Variants in SLC25A28 observed in about 807,000 individuals in gnomAD.
SLC25A28 encodes mitoferrin-2.
In SLC25A28, 10 loss-of-function variants were observed where a neutral mutation model predicts 31.9. The observed-to-expected ratio is 0.31, with a 90% CI of 0.19 to 0.53. The LOEUF (loss-of-function observed/expected upper bound fraction) is 0.53. Ranked by LOEUF, SLC25A28 falls within the 20% of genes least tolerant of loss-of-function variation. The pLI is 0.95. For missense variants in SLC25A28, 256 were observed against 490.3 expected (o/e 0.52, Z 4.51); for synonymous variants, 208 against 203.6 (o/e 1.02, Z -0.19).
chr10:99,657,186 G>C, the SLC25A28 span, among the ~76,000 whole-genome samples: 1 of 152,014 alleles, frequency 6.6e-6, no homozygotes, highest in African/African-American at 2.4e-5. Context: ...TTTAAAAATA[G>C]GAATTATACT....
At chr10:99,612,466 T>C (rs2034548814) in intron 3 of SLC25A28, 77 bp downstream of exon 3, 22 of 1,535,096 alleles carry the variant, frequency 1.4e-5, no homozygotes, top group East Asian at 2.3e-5. Context: ...CCACCAAAAC[T>C]GATGTGCTTT....
intron 1 of SLC25A28, chr10:99,618,600 A>G: frequency 1.0e-6 from 1 of 985,254 alleles, no homozygotes; most frequent in Non-Finnish European, 1.2e-6. Flanking sequence ...TCTCTCATGG[A>G]TTTTACAGTT....
the SLC25A28 span, among the ~76,000 whole-genome samples, chr10:99,625,802 C>T: frequency 1.3e-5 from 2 of 152,184 alleles, no homozygotes; most frequent in Admixed American, 6.5e-5. Context: ...TCTCCCTTCT[C>T]GTCAGAACAC....
At position 99,611,496 on chromosome 10, in the gene SLC25A28, G is replaced by A; in HGVS notation, c.578-130C>T. On this transcript the variant is annotated intron_variant, in intron 3 of 3. Transcript: ENST00000370495. This position sits in a 1 kb window ranked among gnomAD's most constrained non-coding sequence, Gnocchi z 5.5. Reference sequence around the variant, plus strand: ...AGAGAGAAAAAAGTATGAGTGAGCTGCTGGCTAACCTGAGAAGTCAGCTTC... The same window carrying A: ...AGAGAGAAAAAAGTATGAGTGAGCTACTGGCTAACCTGAGAAGTCAGCTTC... 3.4e-6 allele frequency: 4 copies of A among 1,170,164 alleles called. No homozygotes were observed. The highest frequency in any genetic ancestry group is 3.0e-5 in the South Asian group (2 of 66,554). The allele number at this position is 1,170,164 out of a possible 1,614,324, so 72.5% of individuals were successfully genotyped here. A position where few individuals can be genotyped will look rare whatever the true frequency, so the allele number is the denominator to read the frequency against.
chr10:99,657,921 CA>C, the SLC25A28 span, among the ~76,000 whole-genome samples: 2 of 152,182 alleles, frequency 1.3e-5, no homozygotes, highest in African/African-American at 2.4e-5. Context: ...TGCAGCTGCT[CA>C]TCCCTGTAAT....
intron 1 of SLC25A28, chr10:99,615,928 G>C: frequency 7.1e-6 from 7 of 985,394 alleles, no homozygotes; most frequent in Non-Finnish European, 8.4e-6. Context: ...TCACCCCCAA[G>C]AGAAAACCGG....
chr10:99,638,166 G>C, the SLC25A28 span, among the ~76,000 whole-genome samples: 2 of 152,060 alleles, frequency 1.3e-5, no homozygotes, highest in African/African-American at 4.8e-5. Context: ...ACTGATCTTC[G>C]ATAAAGCAAA....
the SLC25A28 span, among the ~76,000 whole-genome samples, chr10:99,639,845 A>G: frequency 6.6e-6 from 1 of 152,176 alleles, no homozygotes; most frequent in Non-Finnish European, 1.5e-5. Flanking sequence ...ACAAAGTTAA[A>G]TCACTTATCC....
chr10:99,616,936 G>A, intron 1 of SLC25A28: 2 of 981,314 alleles, frequency 2.0e-6, no homozygotes, highest in Non-Finnish European at 2.4e-6. Flanking sequence ...CAAGATCACT[G>A]AATACTTATT....
the SLC25A28 span, among the ~76,000 whole-genome samples, chr10:99,631,741 T>C: frequency 6.6e-6 from 1 of 152,184 alleles, no homozygotes; most frequent in African/African-American, 2.4e-5. Flanking sequence ...TTTCCTCATC[T>C]GTAAAGCAGT....
the SLC25A28 span, among the ~76,000 whole-genome samples, chr10:99,647,514 C>CT: frequency 6.6e-6 from 1 of 151,974 alleles, no homozygotes; most frequent in African/African-American, 2.4e-5. Context: ...GGATTATTTG[C>CT]TTTTTTCTTG....
chr10:99,618,604 T>G (rs1014110739), intron 1 of SLC25A28: 4 of 985,386 alleles, frequency 4.1e-6, no homozygotes, highest in Non-Finnish European at 4.8e-6. Flanking sequence ...TCATGGATTT[T>G]ACAGTTTATT....
the SLC25A28 span, among the ~76,000 whole-genome samples, chr10:99,642,216 A>C: frequency 6.6e-6 from 1 of 152,172 alleles, no homozygotes; most frequent in Non-Finnish European, 1.5e-5. Context: ...ATGTTCTTCC[A>C]TTTGTTTGTG....
the SLC25A28 span, among the ~76,000 whole-genome samples, chr10:99,656,899 C>T: frequency 6.6e-6 from 1 of 152,174 alleles, no homozygotes; most frequent in East Asian, 1.9e-4. Context: ...CGGAACTCAG[C>T]CCTATGAGCT....
At position 99,610,921 on chromosome 10, in the gene SLC25A28, G is replaced by A. The variant is rs746435797; in HGVS notation, c.1023C>T (p.Ile341=). The change falls in exon 4 of 4, where the codon ATC becomes ATT. Residue 341 remains isoleucine (I), a synonymous_variant. Transcript: ENST00000370495. ...TGAAGAACTCATACACAGACCATGC[G>A]ATGGCTGTGGAGGGGATCTGGTAAA... ...RVIYQIPSTA[I]AWSVYEFFKY... The A allele has an allele frequency of 5.6e-6, 9 of 1,614,066 alleles. No individual in the cohort carries two copies. The highest frequency in any genetic ancestry group is 2.2e-5 in the East Asian group (1 of 44,900).
chr10:99,635,213 AG>A, the SLC25A28 span, among the ~76,000 whole-genome samples: 492 of 152,334 alleles, frequency 3.2e-3, 3 homozygotes, highest in African/African-American at 0.011. Flanking sequence ...TAAATCACAC[AG>A]GACCTATGAA....
chr10:99,652,918 C>T, the SLC25A28 span, among the ~76,000 whole-genome samples: 6 of 152,146 alleles, frequency 3.9e-5, no homozygotes, highest in Non-Finnish European at 7.3e-5. Context: ...GAACACAAAG[C>T]TGTGGTGTTA....
At chr10:99,640,936 GA>G in the SLC25A28 span, among the ~76,000 whole-genome samples, 1 of 151,246 alleles carries the variant, frequency 6.6e-6, no homozygotes, top group African/African-American at 2.4e-5. Context: ...TGGTGTATAT[GA>G]GCCACATTTT....
At chr10:99,619,669 A>G (rs769387844) in intron 1 of SLC25A28, among the ~76,000 whole-genome samples, 2 of 152,206 alleles carry the variant, frequency 1.3e-5, no homozygotes, top group Non-Finnish European at 2.9e-5. Flanking sequence ...CGTTAGATCC[A>G]TTTCAGGGTC....
Sources: allele counts gnomAD v4.1 joint callset (sites outside exome capture counted in the v4.1 genomes callset), GRCh38; gene constraint gnomAD v4.1.1; non-coding constraint Gnocchi (gnomAD v3.1); transcripts MANE v1.5; gene names NCBI Gene and HGNC (gene_info 2026-07-23, HGNC 2026-07-21).